Variants in GRIN2A observed in about 807,000 individuals in gnomAD.
The protein encoded by GRIN2A is glutamate ionotropic receptor NMDA type subunit 2A.
In GRIN2A, 22 loss-of-function variants were observed where a neutral mutation model predicts 113.4. The ratio of observed to expected loss-of-function variants is 0.19; its 90% CI spans 0.14 to 0.28. The LOEUF is 0.28. Ranked by LOEUF, GRIN2A falls within the 10% of genes least tolerant of loss-of-function variation. The pLI is 1.00. For missense variants in GRIN2A, 1,502 were observed against 1,887.0 expected, an observed-to-expected ratio of 0.80 and a Z score of 3.78; for synonymous variants, 827 against 738.4, an observed-to-expected ratio of 1.12 and a Z score of -1.94.
intron 2 of GRIN2A, among the ~76,000 whole-genome samples, chr16:9,991,753 A>G (rs1221073021): frequency 6.6e-6 from 1 of 152,230 alleles, no homozygotes; most frequent in East Asian, 1.9e-4. Flanking sequence ...CTTCGCAGAG[A>G]CATGGATGAA....
At chr16:9,942,292 A>T (rs2044900041) in intron 2 of GRIN2A, among the ~76,000 whole-genome samples, 1 of 151,984 alleles carries the variant, frequency 6.6e-6, no homozygotes, top group South Asian at 2.1e-4. Flanking sequence ...CTACCCATCT[A>T]TGTGCACCAG....
chr16:10,040,054 CATAA>C (rs2047129104), intron 2 of GRIN2A, among the ~76,000 whole-genome samples: 1 of 732 alleles, frequency 1.4e-3, no homozygotes, highest in Admixed American at 0.014. Context: ...CACACACCAC[CATAA>C]ATACACTACA....
intron 8 of GRIN2A, among the ~76,000 whole-genome samples, chr16:9,831,126 G>A (rs187909887): frequency 4.5e-4 from 68 of 152,238 alleles, no homozygotes; most frequent in African/African-American, 1.5e-3. Context: ...TTTCCCAAGA[G>A]TTGCCACAGC....
chr16:9,779,681 G>A (rs1425261283), intron 11 of GRIN2A, among the ~76,000 whole-genome samples: 1 of 152,114 alleles, frequency 6.6e-6, no homozygotes, highest in African/African-American at 2.4e-5. Flanking sequence ...TTCCATAGAG[G>A]GTAATAGGGT....
chr16:10,088,136 C>G (rs566306282), intron 2 of GRIN2A, among the ~76,000 whole-genome samples: 1 of 152,246 alleles, frequency 6.6e-6, no homozygotes, highest in East Asian at 1.9e-4. Flanking sequence ...GACCCTCTCC[C>G]TTGAGAAACG....
Position 9,866,090 on chromosome 16 carries a change from C to T in GRIN2A, c.1123-16129G>A, listed in dbSNP as rs1450980176. On this transcript the variant is annotated intron_variant, in intron 4 of 12. Coordinates refer to ENST00000330684, the MANE Select transcript of GRIN2A (RefSeq NM_001134407.3). ...ATAAACAGTTAGGGGTTTTGTCAACCCCTGCTCTAAGTCCTTATCTGTAAA... is the reference window on the plus strand; with the variant it reads ...ATAAACAGTTAGGGGTTTTGTCAACTCCTGCTCTAAGTCCTTATCTGTAAA... Among the ~76,000 whole-genome samples, 3 of 152,152 alleles carry T rather than the reference C, an allele frequency of 2.0e-5. No individual in the cohort carries two copies. The South Asian group carries it at 6.2e-4, about 32-fold the overall frequency.
At chr16:10,167,711 C>G (rs2049953715) in intron 2 of GRIN2A, among the ~76,000 whole-genome samples, 1 of 152,160 alleles carries the variant, frequency 6.6e-6, no homozygotes. Context: ...TCGCTCTGTA[C>G]ATCAACATCT....
intron 2 of GRIN2A, among the ~76,000 whole-genome samples, chr16:9,964,838 T>G (rs1324078076): frequency 6.6e-6 from 1 of 152,180 alleles, no homozygotes; most frequent in Non-Finnish European, 1.5e-5. Context: ...CAAAGTCCCC[T>G]TTACACTATA....
chr16:9,979,406 C>G (rs1427235598), intron 2 of GRIN2A, among the ~76,000 whole-genome samples: 1 of 152,204 alleles, frequency 6.6e-6, no homozygotes, highest in Admixed American at 6.5e-5. Context: ...AGTGTCTTCG[C>G]ACTGTCTGTT....
rs1900423316 is a variant in GRIN2A at position 9,757,915 on chromosome 16, G to A, written c.*5234C>T. The A allele has an allele frequency of 4.5e-6, 1 of 224,110 alleles. No individual in the cohort carries two copies. 13.9% of individuals were successfully genotyped at this position (224,110 alleles called of 1,614,324 possible). On this transcript the variant is annotated 3_prime_UTR_variant, in exon 13 of 13. Transcript: ENST00000330684. ...AAAACAAAAACCAGGGCAGCCTTAT[G>A]GGGATCTCTGGCTCTTATTCCAGAG...
intron 2 of GRIN2A, among the ~76,000 whole-genome samples, chr16:10,151,322 T>C (rs1292563269): frequency 1.3e-5 from 2 of 152,190 alleles, no homozygotes; most frequent in Admixed American, 6.5e-5. Context: ...AGCCAGAGAA[T>C]GTGTCTGGTG....
chr16:10,054,732 A>G (rs1298652776), intron 2 of GRIN2A, among the ~76,000 whole-genome samples: 2 of 152,194 alleles, frequency 1.3e-5, no homozygotes, highest in African/African-American at 4.8e-5. Context: ...GATAAATCTC[A>G]ATAACATAAT....
intron 3 of GRIN2A, among the ~76,000 whole-genome samples, chr16:9,892,915 C>T (rs2141487708): frequency 6.9e-6 from 1 of 145,334 alleles, no homozygotes. Context: ...CCATTAACAT[C>T]CAGAGATGCT....
chr16:10,126,238 C>A (rs2048933933), intron 2 of GRIN2A, among the ~76,000 whole-genome samples: 2 of 151,990 alleles, frequency 1.3e-5, no homozygotes, highest in South Asian at 4.2e-4. Context: ...TCAGAGCTCA[C>A]TGCAGCCTCA....
intron 2 of GRIN2A, among the ~76,000 whole-genome samples, chr16:10,065,334 G>T (rs962963845): frequency 4.6e-5 from 7 of 152,160 alleles, no homozygotes; most frequent in African/African-American, 7.2e-5. Flanking sequence ...GCAACCCAGA[G>T]CATCTACTCT....
intron 2 of GRIN2A, among the ~76,000 whole-genome samples, chr16:10,057,090 C>T (rs1435926110): frequency 1.3e-5 from 2 of 152,000 alleles, no homozygotes; most frequent in East Asian, 3.9e-4. Context: ...TCCAACCATG[C>T]ATCCATCTAT....
At chr16:9,805,235 G>C (rs1160402102) in intron 10 of GRIN2A, among the ~76,000 whole-genome samples, 2 of 152,172 alleles carry the variant, frequency 1.3e-5, no homozygotes, top group African/African-American at 4.8e-5. Context: ...CTAATCAAAA[G>C]TTTCCGGTTT....
chr16:10,089,203 C>T (rs1429550358), intron 2 of GRIN2A, among the ~76,000 whole-genome samples: 1 of 152,142 alleles, frequency 6.6e-6, no homozygotes, highest in African/African-American at 2.4e-5. Context: ...TGAGTGAAAA[C>T]TAATACAGTT....
Position 9,762,825 on chromosome 16 carries a change from C to T in GRIN2A, c.*324G>A. ...GAATTTGGAATATAGGAAATCATAA[C>T]ATCACCATTGGCATCCAATGCATCA... On this transcript the variant is annotated 3_prime_UTR_variant, in exon 13 of 13. Coordinates refer to ENST00000330684, the MANE Select transcript of GRIN2A (RefSeq NM_001134407.3). The T allele has an allele frequency of 2.2e-6, 1 of 446,382 alleles. No individual in the cohort carries two copies. Among genetic ancestry groups the T allele is most frequent in the Non-Finnish European group, 4.1e-6 (1 of 246,836 alleles). The allele number at this position is 446,382 out of a possible 1,614,324, so 27.7% of individuals were successfully genotyped here.
Sources: gnomAD v4.1 joint callset for allele counts (sites outside exome capture counted in the v4.1 genomes callset) on GRCh38, gnomAD v4.1.1 for gene constraint, MANE v1.5 for transcripts, NCBI Gene and HGNC (gene_info 2026-07-23, HGNC 2026-07-21) for gene names.